Variants in NDUFAF2 observed in about 807,000 individuals in gnomAD.
The protein encoded by NDUFAF2 is NADH dehydrogenase [ubiquinone] 1 alpha subcomplex assembly factor 2.
NDUFAF2 carries 13 observed loss-of-function variants against 22.8 expected under a neutral mutation model. The ratio of observed to expected loss-of-function variants is 0.57; its 90% CI spans 0.37 to 0.91. The LOEUF is 0.91. NDUFAF2 is among the 40% of genes least tolerant of loss of function. NDUFAF2 has a pLI of 0.01. For missense variants in NDUFAF2, 162 were observed against 195.2 expected (o/e 0.83, Z 1.01); for synonymous variants, 53 against 64.2 (o/e 0.83, Z 0.84).
At chr5:61,085,658 C>T (rs748686968) in intron 2 of NDUFAF2, among the ~76,000 whole-genome samples, 14 of 152,090 alleles carry the variant, frequency 9.2e-5, no homozygotes, top group Non-Finnish European at 2.1e-4. Flanking sequence ...AATTTTGTAA[C>T]TTTTCAAGAT....
At chr5:61,117,680 TA>T (rs76823566) in intron 3 of NDUFAF2, among the ~76,000 whole-genome samples, 12 of 150,898 alleles carry the variant, frequency 8.0e-5, no homozygotes, top group South Asian at 2.1e-4. Context: ...GACTTTTTTT[TA>T]AAAAAAAAAG....
At chr5:61,047,959 CAAAG>C (rs1751973824) in intron 1 of NDUFAF2, among the ~76,000 whole-genome samples, 1 of 152,050 alleles carries the variant, frequency 6.6e-6, no homozygotes, top group Admixed American at 6.6e-5. Context: ...AATAAAAGAA[CAAAG>C]AAAGTTTACT....
At position 61,130,287 on chromosome 5, in the gene NDUFAF2, G is replaced by A. The variant is rs553295733; in HGVS notation, c.259-22417G>A. On this transcript the variant is annotated intron_variant, in intron 3 of 3. Coordinates refer to ENST00000296597, the MANE Select transcript of NDUFAF2 (RefSeq NM_174889.5). ...CCAGAGGATATCAGTAGAACCCAGG[G>A]TACAAGTTCCCAACTTTTGGGGTGC... Among the ~76,000 whole-genome samples, 17 of 152,160 alleles carry A rather than the reference G, an allele frequency of 1.1e-4. 1 individual carries two copies. The South Asian group carries it at 3.5e-3, about 32-fold the overall frequency.
chr5:61,026,642 C>A (rs1230939601), intron 1 of NDUFAF2, among the ~76,000 whole-genome samples: 1 of 151,902 alleles, frequency 6.6e-6, no homozygotes, highest in Non-Finnish European at 1.5e-5. Flanking sequence ...CATGTTCTTG[C>A]AAGTAACCTA....
At chr5:61,070,614 C>CAT (rs1752284743) in intron 1 of NDUFAF2, among the ~76,000 whole-genome samples, 1 of 151,672 alleles carries the variant, frequency 6.6e-6, no homozygotes, top group Admixed American at 6.6e-5. Flanking sequence ...CACACACACA[C>CAT]ACACACACAC....
At position 61,045,656 on chromosome 5, in the gene NDUFAF2, G is replaced by A. The variant is rs568384019; in HGVS notation, c.128-27469G>A. On this transcript the variant is annotated intron_variant, in intron 1 of 3. Coordinates refer to ENST00000296597, the MANE Select transcript of NDUFAF2 (RefSeq NM_174889.5). The stretch of plus-strand genomic sequence containing the variant: ...ACTTGGCTGATTTCTTTTTTGAATA[G>A]TTTACTGTTAGTGTATTTTTGTATC... 2.2e-3 allele frequency among the ~76,000 whole-genome samples: 335 copies of A among 151,086 alleles called. 1 individual carries two copies. Among genetic ancestry groups the A allele is most frequent in the Non-Finnish European group, 4.1e-3 (280 of 67,854 alleles).
intron 1 of NDUFAF2, among the ~76,000 whole-genome samples, chr5:61,004,137 A>T (rs117327483): frequency 3.6e-4 from 54 of 151,992 alleles, no homozygotes; most frequent in African/African-American, 1.3e-3. Flanking sequence ...ATTTGCATCT[A>T]TGTTATTTAT....
chr5:60,977,405 G>A (rs1750916427), intron 1 of NDUFAF2, among the ~76,000 whole-genome samples: 1 of 148,588 alleles, frequency 6.7e-6, no homozygotes, highest in Admixed American at 7.0e-5. Context: ...GTCCAGCCTG[G>A]GTTATGGAGC....
intron 3 of NDUFAF2, among the ~76,000 whole-genome samples, chr5:61,130,542 C>G (rs955510638): frequency 5.9e-5 from 9 of 152,080 alleles, no homozygotes; most frequent in Admixed American, 4.6e-4. Context: ...CAAGCCCAGT[C>G]CAAGATTTTC....
intron 1 of NDUFAF2, among the ~76,000 whole-genome samples, chr5:61,064,798 G>A (rs1171607398): frequency 6.6e-6 from 1 of 151,588 alleles, no homozygotes; most frequent in African/African-American, 2.4e-5. Flanking sequence ...CAAATAAATT[G>A]TCTAACATTA....
At chr5:60,945,441 G>T (rs158920) in intron 1 of NDUFAF2, 59 bp downstream of exon 1, 4 of 1,612,992 alleles carry the variant, frequency 2.5e-6, no homozygotes, top group Non-Finnish European at 3.4e-6. Flanking sequence ...CAGTAAAGGA[G>T]GGAAAAGTGA....
intron 1 of NDUFAF2, among the ~76,000 whole-genome samples, chr5:61,011,391 A>G (rs1751441044): frequency 6.6e-6 from 1 of 152,104 alleles, no homozygotes; most frequent in Admixed American, 6.6e-5. Context: ...AAATAAATAA[A>G]TGGGAGCAGC....
chr5:61,105,629 C>CAAAAAAAAAAAAAAAAAAAAA (rs35145386), intron 3 of NDUFAF2, among the ~76,000 whole-genome samples: 1 of 117,782 alleles, frequency 8.5e-6, no homozygotes, highest in Non-Finnish European at 1.8e-5. Context: ...TGATACTGAG[C>CAAAAAAAAAAAAAAAAAAAAA]AAAAAAAAAA....
intron 1 of NDUFAF2, 56 bp from the exon 2 acceptor site, chr5:61,073,069 A>G: frequency 9.5e-7 from 1 of 1,047,324 alleles, no homozygotes; most frequent in Non-Finnish European, 1.5e-6. Context: ...GATTAATTGT[A>G]GAACTACTGT....
chr5:60,958,530 T>C (rs1366894343), intron 1 of NDUFAF2, among the ~76,000 whole-genome samples: 2 of 152,164 alleles, frequency 1.3e-5, no homozygotes, highest in Non-Finnish European at 2.9e-5. Context: ...ATAACAACCA[T>C]GTAACCAGGG....
At chr5:61,007,207 A>G (rs1285844200) in intron 1 of NDUFAF2, among the ~76,000 whole-genome samples, 1 of 151,874 alleles carries the variant, frequency 6.6e-6, no homozygotes, top group East Asian at 1.9e-4. Flanking sequence ...TATGTCCTGA[A>G]TGGTAATGCC....
chr5:61,098,441 C>T (rs1308503096), intron 2 of NDUFAF2, among the ~76,000 whole-genome samples: 1 of 152,202 alleles, frequency 6.6e-6, no homozygotes, highest in Non-Finnish European at 1.5e-5. Context: ...CCAGCAGCCA[C>T]TTAACAAATG....
chr5:61,057,583 G>A (rs1233708907), intron 1 of NDUFAF2, among the ~76,000 whole-genome samples: 1 of 152,040 alleles, frequency 6.6e-6, no homozygotes, highest in Non-Finnish European at 1.5e-5. Context: ...AGTGTGAGGA[G>A]GTAACTACAT....
At chr5:61,152,613 A>G (rs1579857333) in intron 3 of NDUFAF2, 91 bp from the exon 4 acceptor site, 1 of 873,374 alleles carries the variant, frequency 1.1e-6, no homozygotes, top group South Asian at 2.1e-5. Flanking sequence ...ATTTATATGT[A>G]TATAATGTAT....
Sources: allele counts gnomAD v4.1 joint callset (sites outside exome capture counted in the v4.1 genomes callset), GRCh38; gene constraint gnomAD v4.1.1; transcripts MANE v1.5; gene names NCBI Gene and HGNC (gene_info 2026-07-23, HGNC 2026-07-21).